Variants in AFF2 observed in about 807,000 individuals in gnomAD.
The protein encoded by AFF2 is ALF transcription elongation factor 2, also known as AF4/FMR2 family member 2.
In AFF2, 14 loss-of-function variants were observed where a neutral mutation model predicts 76.9. The observed-to-expected ratio is 0.18, with a 90% confidence interval of 0.12 to 0.28. The LOEUF is 0.28. Ranked by LOEUF, AFF2 falls within the 10% of genes least tolerant of loss-of-function variation. The pLI is 1.00. For synonymous variants in AFF2, 398 were observed against 366.7 expected, an observed-to-expected ratio of 1.09 and a Z score of -0.98; for missense variants, 868 against 1,001.1, an observed-to-expected ratio of 0.87 and a Z score of 1.79.
chrX:148,709,907 C>T (rs1176795605), intron 3 of AFF2, among the ~76,000 whole-genome samples: 1 of 111,819 alleles, frequency 8.9e-6, no homozygotes, highest in Admixed American at 9.5e-5. Flanking sequence ...TTCAAAGGTA[C>T]TTAATGGCCC....
At chrX:148,694,520 C>T (rs2054691825) in intron 3 of AFF2, among the ~76,000 whole-genome samples, 1 of 111,015 alleles carries the variant, frequency 9.0e-6, no homozygotes, top group African/African-American at 3.3e-5. Context: ...TCATAAAGTT[C>T]AATAGCTACA....
In AFF2 at chrX:148,735,676, GT is replaced by G. The variant is rs1216109016; in HGVS notation, c.1041+72914del. 4.5e-5 allele frequency among the ~76,000 whole-genome samples: 5 copies of G among 110,844 alleles called. No homozygotes were observed. The Admixed American group carries it at 4.8e-4, about 11-fold the overall frequency. ...AGGTGGTATTTGGTTGCATGTGTAA[GT>G]TTTTTAGAGGTGATTTGTGAGATTT... On this transcript the variant is annotated intron_variant, in intron 3 of 20. Transcript: ENST00000370460.
chrX:148,585,714 G>A (rs1004863467), intron 1 of AFF2, among the ~76,000 whole-genome samples: 32 of 109,394 alleles, frequency 2.9e-4, no homozygotes, highest in Middle Eastern at 4.3e-3. Flanking sequence ...GGTGGCAGGC[G>A]CCTGTATTCC....
chrX:148,893,696 T>C (rs188365862), intron 8 of AFF2, among the ~76,000 whole-genome samples: 43 of 112,090 alleles, frequency 3.8e-4, no homozygotes, highest in African/African-American at 1.3e-3. Flanking sequence ...TGATCTGTCA[T>C]TTCAAAATAG....
At chrX:148,609,148 C>T (rs1205984400) in intron 1 of AFF2, among the ~76,000 whole-genome samples, 4 of 111,087 alleles carry the variant, frequency 3.6e-5, no homozygotes, top group African/African-American at 1.3e-4. Flanking sequence ...AGGGGGCTCG[C>T]ATATAGATTT....
chrX:148,897,777 C>T (rs2071311409), intron 8 of AFF2, among the ~76,000 whole-genome samples: 1 of 110,517 alleles, frequency 9.0e-6, no homozygotes, highest in Non-Finnish European at 1.9e-5. Flanking sequence ...GGCAAGAGGG[C>T]TCAGATTGGT....
chrX:148,858,673 A>G (rs781966840), intron 7 of AFF2, among the ~76,000 whole-genome samples: 10 of 111,550 alleles, frequency 9.0e-5, no homozygotes, highest in African/African-American at 3.2e-4. Flanking sequence ...AATAATAAGT[A>G]CTTGGAAATG....
intron 3 of AFF2, among the ~76,000 whole-genome samples, chrX:148,748,894 C>T (rs1489383329): frequency 1.8e-5 from 2 of 111,921 alleles, no homozygotes; most frequent in African/African-American, 6.5e-5. Context: ...CCCAGGATAG[C>T]GTCTGCAGAT....
chrX:148,545,448 A>G (rs1346235043), intron 1 of AFF2, among the ~76,000 whole-genome samples: 2 of 112,071 alleles, frequency 1.8e-5, no homozygotes, highest in Non-Finnish European at 3.8e-5. Flanking sequence ...TTTGTCACAG[A>G]CAAATAACTT....
chrX:148,887,999 A>T (rs1473437795), intron 8 of AFF2, among the ~76,000 whole-genome samples: 2 of 112,568 alleles, frequency 1.8e-5, no homozygotes, highest in Non-Finnish European at 3.8e-5. Flanking sequence ...CTTTTTGTAA[A>T]AGTAAATGGG....
At chrX:148,640,030 A>G (rs1557254449) in intron 1 of AFF2, among the ~76,000 whole-genome samples, 2 of 112,600 alleles carry the variant, frequency 1.8e-5, no homozygotes, top group African/African-American at 3.2e-5. Flanking sequence ...ACTGCAAGGC[A>G]TTGTCCATTT....
chrX:148,770,563 A>C (rs954782718), intron 3 of AFF2, among the ~76,000 whole-genome samples: 1 of 111,453 alleles, frequency 9.0e-6, no homozygotes, highest in African/African-American at 3.3e-5. Flanking sequence ...TTTAAATCAC[A>C]TAATAAGTGA....
chrX:148,508,663 T>C (rs1161386248), intron 1 of AFF2, among the ~76,000 whole-genome samples: 2 of 112,176 alleles, frequency 1.8e-5, no homozygotes, highest in African/African-American at 6.5e-5. Flanking sequence ...AGCCAACAAA[T>C]TTTTTAATGA....
chrX:148,520,843 T>C (rs2052589002), intron 1 of AFF2, among the ~76,000 whole-genome samples: 1 of 112,441 alleles, frequency 8.9e-6, no homozygotes, highest in East Asian at 2.8e-4. Context: ...ACAGTTTTGA[T>C]CAATCTCTTT....
At chrX:148,783,352 A>ATT (rs782499925) in intron 3 of AFF2, among the ~76,000 whole-genome samples, 261 of 108,263 alleles carry the variant, frequency 2.4e-3, no homozygotes, top group African/African-American at 8.5e-3. Flanking sequence ...GGAAACAACC[A>ATT]TTTTTTTTTT....
chrX:148,866,126 A>G (rs2124074699), intron 7 of AFF2, among the ~76,000 whole-genome samples: 1 of 111,548 alleles, frequency 9.0e-6, no homozygotes, highest in Non-Finnish European at 1.9e-5. Flanking sequence ...ATAAGGGGAG[A>G]GCAATGTAGG....
intron 3 of AFF2, among the ~76,000 whole-genome samples, chrX:148,759,723 T>C (rs2069417884): frequency 8.9e-6 from 1 of 112,028 alleles, no homozygotes; most frequent in South Asian, 3.7e-4. Flanking sequence ...ATCCTAGGAA[T>C]AGTTTTGTTA....
At chrX:148,510,184 T>C (rs1295736288) in intron 1 of AFF2, among the ~76,000 whole-genome samples, 1 of 112,224 alleles carries the variant, frequency 8.9e-6, no homozygotes, top group Non-Finnish European at 1.9e-5. Flanking sequence ...ATTCATTTAT[T>C]CAGTTCATTC....
chrX:148,860,985 T>TA lies in AFF2; in HGVS notation c.1262+17558dup, dbSNP rs1450791556. ...TATAAAGCATTAATTTCAGACTTTT[T>TA]AAAAAATGTAATTTTCTCAGATAAT... is the stretch of plus-strand genomic sequence containing the variant. On this transcript the variant is annotated intron_variant, in intron 7 of 20. Transcript: ENST00000370460. Among the ~76,000 whole-genome samples the TA allele has an allele frequency of 3.6e-5, 4 of 111,609 alleles. No individual in the cohort carries two copies. In the East Asian group the frequency reaches 1.1e-3, roughly 32 times the overall value.
Sources: gnomAD v4.1 joint callset for allele counts (sites outside exome capture counted in the v4.1 genomes callset) on GRCh38, gnomAD v4.1.1 for gene constraint, MANE v1.5 for transcripts, NCBI Gene and HGNC (gene_info 2026-07-23, HGNC 2026-07-21) for gene names.